The following PROM1 variants were observed in gnomAD, a reference collection of about 807,000 sequenced individuals.
PROM1 encodes the protein prominin 1, also known as prominin-1.
PROM1 carries 105 observed loss-of-function variants against 116.9 expected under a neutral mutation model. The ratio of observed to expected loss-of-function variants is 0.90; its 90% CI spans 0.77 to 1.06. The LOEUF is 1.06. Ranked by LOEUF, PROM1 falls within the 50% of genes least tolerant of loss-of-function variation. The pLI, the probability that PROM1 is intolerant of heterozygous loss-of-function variation, is 0.00. For synonymous variants in PROM1, 393 were observed against 387.0 expected, an observed-to-expected ratio of 1.02 and a Z score of -0.18; for missense variants, 1,122 against 1,045.2, an observed-to-expected ratio of 1.07 and a Z score of -1.01.
intron 26 of PROM1, among the ~76,000 whole-genome samples, chr4:15,977,008 G>A (rs962369402): frequency 5.9e-5 from 9 of 152,176 alleles, no homozygotes; most frequent in African/African-American, 2.2e-4. Flanking sequence ...CCCAGTGTGG[G>A]CAACTCCCTA....
At chr4:15,970,230 A>G (rs1226265035) in intron 27 of PROM1, among the ~76,000 whole-genome samples, 1 of 138,082 alleles carries the variant, frequency 7.2e-6, no homozygotes, top group East Asian at 2.1e-4. Context: ...CAGTGGTGTG[A>G]TCTCGGCTCA....
chr4:15,970,396 C>T (rs1714168182), intron 27 of PROM1, among the ~76,000 whole-genome samples: 2 of 152,022 alleles, frequency 1.3e-5, no homozygotes, highest in South Asian at 2.1e-4. Flanking sequence ...TGGTTTTGAG[C>T]TCCTGACCTC....
At chr4:16,008,886 ATTT>A in intron 12 of PROM1, 60 bp downstream of exon 12, 1 of 1,446,458 alleles carries the variant, frequency 6.9e-7, no homozygotes, top group Non-Finnish European at 9.5e-7. Context: ...CTAATGTCAG[ATTT>A]TTATCTCGTT....
At chr4:16,037,217 G>A (rs1252483112) in intron 3 of PROM1, among the ~76,000 whole-genome samples, 2 of 152,150 alleles carry the variant, frequency 1.3e-5, no homozygotes, top group African/African-American at 4.8e-5. Flanking sequence ...AGCATGTTAT[G>A]CTAATTTTGA....
chr4:16,075,389 G>A (rs575223852), intron 2 of PROM1, among the ~76,000 whole-genome samples: 1 of 152,288 alleles, frequency 6.6e-6, no homozygotes, highest in African/African-American at 2.4e-5. Context: ...TTTGGTAAGT[G>A]CCTTAGAATA....
chr4:15,992,891 T>G (rs76110039), intron 16 of PROM1, among the ~76,000 whole-genome samples: 2,815 of 152,218 alleles, frequency 0.018, 86 homozygotes, highest in African/African-American at 0.064. Flanking sequence ...TTTAGTTACT[T>G]GGGCAAAGAT....
intron 11 of PROM1, among the ~76,000 whole-genome samples, chr4:16,010,081 C>A (rs1342220739): frequency 6.6e-6 from 1 of 151,968 alleles, no homozygotes; most frequent in Admixed American, 6.6e-5. Flanking sequence ...ATTGAGACAT[C>A]TTAGGAAGTA....
chr4:16,038,976 C>T lies in PROM1; in HGVS notation c.246G>A (p.Lys82=), dbSNP rs1238199010. 7 of 1,498,896 alleles carry T rather than the reference C, an allele frequency of 4.7e-6. No individual in the cohort carries two copies. Among genetic ancestry groups the T allele is most frequent in the Non-Finnish European group, 6.2e-6 (7 of 1,122,308 alleles). 92.8% of individuals were successfully genotyped at this position (1,498,896 alleles called of 1,614,324 possible). The change falls in exon 3 of 28, where the codon AAG becomes AAA. Residue 82 remains lysine, a synonymous_variant. Transcript: ENST00000447510. ...CATAATCAATTTTGGATTCATATGC[C>T]TTCTGTAAGAATTTTCTCAAAGTAT... ...PEDTLRKFLQ[K]AYESKIDYDK...
chr4:16,058,342 A>T (rs901073184), intron 2 of PROM1, among the ~76,000 whole-genome samples: 3 of 152,234 alleles, frequency 2.0e-5, no homozygotes, highest in African/African-American at 7.2e-5. Flanking sequence ...TTCATTCAAT[A>T]TTATTAGCCA....
At chr4:15,985,898 A>AATACAGATAAAAATATTTG in intron 21 of PROM1, 59 bp downstream of exon 21, 1 of 128,572 alleles carries the variant, frequency 7.8e-6, no homozygotes. Context: ...ATAAATATTT[A>AATACAGATAAAAATATTTG]ATCTGTAACA....
At chr4:15,974,418 TAAGA>T (rs1319673187) in intron 26 of PROM1, among the ~76,000 whole-genome samples, 3 of 152,106 alleles carry the variant, frequency 2.0e-5, no homozygotes, top group Admixed American at 6.5e-5. Flanking sequence ...TGTGTGTGTT[TAAGA>T]AATAAATAGA....
At chr4:16,019,989 AACTCTC>A (rs1390544809) in intron 8 of PROM1, among the ~76,000 whole-genome samples, 2 of 152,236 alleles carry the variant, frequency 1.3e-5, no homozygotes, top group Admixed American at 6.5e-5. Flanking sequence ...ACATCTGGCA[AACTCTC>A]ACTTCTCAGG....
At chr4:15,994,208 A>C in intron 15 of PROM1, 137 bp from the exon 16 acceptor site, 1 of 1,480,612 alleles carries the variant, frequency 6.8e-7, no homozygotes, top group East Asian at 2.4e-5. Context: ...GCATGTCCCC[A>C]GTGGCCACAC....
intron 2 of PROM1, among the ~76,000 whole-genome samples, chr4:16,064,031 G>C (rs1299461326): frequency 6.6e-6 from 1 of 152,100 alleles, no homozygotes; most frequent in East Asian, 1.9e-4. Context: ...TAAAAAATTT[G>C]CTTGGCATAC....
intron 2 of PROM1, among the ~76,000 whole-genome samples, chr4:16,069,550 T>C (rs1334696185): frequency 6.6e-6 from 1 of 152,240 alleles, no homozygotes; most frequent in Non-Finnish European, 1.5e-5. Context: ...AGCTGTGTTT[T>C]ATAGGAGATA....
chr4:15,969,758 G>A (rs1030853455), intron 27 of PROM1, among the ~76,000 whole-genome samples: 1 of 148,838 alleles, frequency 6.7e-6, no homozygotes, highest in Non-Finnish European at 1.5e-5. Context: ...ATATTTTTTA[G>A]TAGAGATGGG....
chr4:16,034,165 C>A (rs1733460658), intron 4 of PROM1, among the ~76,000 whole-genome samples: 1 of 152,120 alleles, frequency 6.6e-6, no homozygotes, highest in African/African-American at 2.4e-5. Flanking sequence ...GCGCTTTGCA[C>A]ACTGCAAAAA....
intron 10 of PROM1, among the ~76,000 whole-genome samples, chr4:16,015,638 C>T (rs1430338246): frequency 7.3e-5 from 11 of 151,570 alleles, no homozygotes; most frequent in Admixed American, 1.3e-4. Flanking sequence ...TGCAGTGAGC[C>T]GAGATCGTAC....
chr4:15,995,943 T>C (rs1722220218), intron 15 of PROM1, among the ~76,000 whole-genome samples: 2 of 152,206 alleles, frequency 1.3e-5, no homozygotes, highest in African/African-American at 2.4e-5. Context: ...TTGTATAATA[T>C]CTCAGGTATA....
Sources: gnomAD v4.1 joint callset for allele counts (sites outside exome capture counted in the v4.1 genomes callset) on GRCh38, gnomAD v4.1.1 for gene constraint, MANE v1.5 for transcripts, NCBI Gene and HGNC (gene_info 2026-07-23, HGNC 2026-07-21) for gene names.